TBL1XR1: variants seen among roughly 807,000 people sequenced by gnomAD.
TBL1XR1 encodes TBL1X/Y related 1.
TBL1XR1 carries 5 observed loss-of-function variants against 66.9 expected under a neutral mutation model. The observed-to-expected ratio is 0.07, with a 90% CI of 0.04 to 0.16. TBL1XR1 has a LOEUF of 0.16. Ranked by LOEUF, TBL1XR1 falls within the 10% of genes least tolerant of loss-of-function variation. The pLI is 1.00. For synonymous variants in TBL1XR1, 210 were observed against 206.0 expected, an observed-to-expected ratio of 1.02 and a Z score of -0.17; for missense variants, 238 against 623.2, an observed-to-expected ratio of 0.38 and a Z score of 6.58.
In TBL1XR1 at chr3:177,021,555, T is replaced by G. The variant is rs1712364368; in HGVS notation, c.*3943A>C. The G allele has an allele frequency of 6.6e-6, 1 of 152,588 alleles. No individual in the cohort carries two copies. Among genetic ancestry groups the G allele is most frequent in the Admixed American group, 6.6e-5 (1 of 15,266 alleles). 9.5% of individuals were successfully genotyped at this position (152,588 alleles called of 1,614,324 possible). The stretch of plus-strand genomic sequence containing the variant: ...TCTCTTCTACATTTAACTAGAATCA[T>G]GTTTAAAAAAAACTGATATTAAATG... On this transcript the variant is annotated 3_prime_UTR_variant, in exon 16 of 16. Coordinates refer to ENST00000457928, the MANE Select transcript of TBL1XR1 (RefSeq NM_024665.7).
At chr3:177,074,239 G>A (rs1439178428) in intron 2 of TBL1XR1, among the ~76,000 whole-genome samples, 1 of 152,186 alleles carries the variant, frequency 6.6e-6, no homozygotes, top group Non-Finnish European at 1.5e-5. Flanking sequence ...GAAAGAGCTA[G>A]AGAATAGAGA....
intron 1 of TBL1XR1, among the ~76,000 whole-genome samples, chr3:177,153,658 C>CA (rs1291707100): frequency 1.3e-5 from 2 of 152,070 alleles, no homozygotes; most frequent in East Asian, 3.9e-4. Context: ...GAGGCCGGGG[C>CA]GGGTGAATCA....
At chr3:177,191,606 A>G (rs1219546059) in intron 1 of TBL1XR1, among the ~76,000 whole-genome samples, 4 of 152,218 alleles carry the variant, frequency 2.6e-5, no homozygotes, top group Non-Finnish European at 5.9e-5. Flanking sequence ...TAAAAATGGG[A>G]AGTGAACATA....
chr3:177,176,012 T>C (rs1224646691), intron 1 of TBL1XR1, among the ~76,000 whole-genome samples: 1 of 148,012 alleles, frequency 6.8e-6, no homozygotes, highest in Non-Finnish European at 1.5e-5. Context: ...TGAGCCCACA[T>C]AGCGCCACTG....
At chr3:177,121,944 T>C (rs1248014039) in intron 1 of TBL1XR1, among the ~76,000 whole-genome samples, 1 of 152,092 alleles carries the variant, frequency 6.6e-6, no homozygotes, top group Non-Finnish European at 1.5e-5. Context: ...GAGAATGGGA[T>C]TGAAAGAATC....
At chr3:177,150,098 A>G (rs992712960) in intron 1 of TBL1XR1, among the ~76,000 whole-genome samples, 1 of 152,154 alleles carries the variant, frequency 6.6e-6, no homozygotes, top group Non-Finnish European at 1.5e-5. Flanking sequence ...ATTCCAAACA[A>G]GAGTATCAAA....
chr3:177,050,871 C>A (rs576300806), intron 5 of TBL1XR1, among the ~76,000 whole-genome samples: 1 of 151,800 alleles, frequency 6.6e-6, no homozygotes, highest in Non-Finnish European at 1.5e-5. Flanking sequence ...ATGATTAGAC[C>A]TAAACATGGA....
intron 2 of TBL1XR1, among the ~76,000 whole-genome samples, chr3:177,097,773 C>CA (rs1723680090): frequency 6.6e-6 from 1 of 152,102 alleles, no homozygotes; most frequent in Non-Finnish European, 1.5e-5. Flanking sequence ...AATAGAAGAG[C>CA]AAAATGCCAC....
At chr3:177,039,901 T>C (rs1476321718) in intron 10 of TBL1XR1, among the ~76,000 whole-genome samples, 1 of 152,210 alleles carries the variant, frequency 6.6e-6, no homozygotes, top group African/African-American at 2.4e-5. Flanking sequence ...TGGCTGCTTT[T>C]TCACTACAAG....
intron 10 of TBL1XR1, among the ~76,000 whole-genome samples, chr3:177,041,779 A>G (rs1401291268): frequency 6.6e-6 from 1 of 152,198 alleles, no homozygotes; most frequent in African/African-American, 2.4e-5. Context: ...AGTGGTTTCC[A>G]GATGGGTTCA....
intron 1 of TBL1XR1, among the ~76,000 whole-genome samples, chr3:177,185,875 G>A (rs1735344928): frequency 1.3e-5 from 2 of 152,052 alleles, no homozygotes; most frequent in African/African-American, 2.4e-5. Context: ...GCTGGGCATG[G>A]TGCTGCTCGT....
rs148976812 is a variant in TBL1XR1 at position 177,072,422 on chromosome 3, C to T, written c.-45-7400G>A. 1.1e-3 allele frequency among the ~76,000 whole-genome samples: 171 copies of T among 151,140 alleles called. 3 individuals carry two copies. The highest frequency in any genetic ancestry group is 4.0e-3 in the African/African-American group (164 of 41,074). On this transcript the variant is annotated intron_variant, in intron 2 of 15. Transcript: ENST00000457928. The stretch of plus-strand genomic sequence containing the variant: ...CACACCTTAGTATTACGAATCAAGA[C>T]CTGATGGTATTACTAGTAGTCATTG...
rs774672653 is a variant in TBL1XR1, at chr3:177,047,443, C to A, written c.766+43G>T. On this transcript the variant is annotated intron_variant, in intron 8 of 15. Transcript: ENST00000457928. ...ATTAACATTATTTTAAATTTTCTAT[C>A]TTTAGATCAACAACAAAGTAAAAAG... 9.3e-6 allele frequency: 15 copies of A among 1,607,198 alleles called. No homozygotes were observed. The Admixed American group carries it at 2.2e-4, about 24-fold the overall frequency.
At chr3:177,172,225 C>T (rs9814430) in intron 1 of TBL1XR1, among the ~76,000 whole-genome samples, 5,199 of 144,584 alleles carry the variant, frequency 0.036, 321 homozygotes, top group African/African-American at 0.12. Context: ...TGCGCCACTG[C>T]GCTCCAGCTC....
intron 1 of TBL1XR1, among the ~76,000 whole-genome samples, chr3:177,122,066 G>T (rs1445720475): frequency 2.6e-5 from 4 of 152,116 alleles, no homozygotes; most frequent in African/African-American, 9.6e-5. Flanking sequence ...GAAATCTAAA[G>T]TATTAATAAG....
At chr3:177,192,983 T>C (rs975615634) in intron 1 of TBL1XR1, among the ~76,000 whole-genome samples, 6 of 151,658 alleles carry the variant, frequency 4.0e-5, no homozygotes, top group African/African-American at 1.2e-4. Flanking sequence ...TGAAACCCCA[T>C]CTCTACTAAA....
At chr3:177,139,654 A>G (rs1228838024) in intron 1 of TBL1XR1, among the ~76,000 whole-genome samples, 2 of 136,734 alleles carry the variant, frequency 1.5e-5, no homozygotes, top group African/African-American at 5.5e-5. Flanking sequence ...AAGCAAAAAA[A>G]CCCAAAAATA....
chr3:177,045,829 G>C (rs1716256746), intron 10 of TBL1XR1, among the ~76,000 whole-genome samples: 2 of 152,038 alleles, frequency 1.3e-5, no homozygotes, highest in African/African-American at 4.8e-5. Context: ...TTCTTAAGTG[G>C]AGTGGAACTG....
chr3:177,033,674 C>T (rs1044112436), intron 13 of TBL1XR1, among the ~76,000 whole-genome samples: 2 of 151,908 alleles, frequency 1.3e-5, no homozygotes, highest in African/African-American at 4.8e-5. Context: ...CTTAAGGAAC[C>T]GACGTAAGTG....
Sources: allele counts gnomAD v4.1 joint callset (sites outside exome capture counted in the v4.1 genomes callset), GRCh38; gene constraint gnomAD v4.1.1; transcripts MANE v1.5; gene names NCBI Gene and HGNC (gene_info 2026-07-23, HGNC 2026-07-21).